PCSK2: variants seen among roughly 807,000 people sequenced by gnomAD.
PCSK2 encodes proprotein convertase subtilisin/kexin type 2, also known as neuroendocrine convertase 2.
PCSK2 carries 14 observed loss-of-function variants against 69.7 expected under a neutral mutation model. The observed-to-expected ratio is 0.20, with a 90% CI of 0.13 to 0.31. The LOEUF (loss-of-function observed/expected upper bound fraction) is 0.31, where lower values mean the gene tolerates loss of function less well. Ranked by LOEUF, PCSK2 falls within the 10% of genes least tolerant of loss-of-function variation. The probability of loss-of-function intolerance (pLI) is 1.00; values close to 1 mark genes in which losing one functional copy is unlikely to be tolerated. For synonymous variants in PCSK2, 307 were observed against 320.7 expected (o/e 0.96, Z 0.46); for missense variants, 544 against 842.5 (o/e 0.65, Z 4.39).
chr20:17,333,095 A>G (rs1990246218), intron 2 of PCSK2, among the ~76,000 whole-genome samples: 1 of 152,054 alleles, frequency 6.6e-6, no homozygotes, highest in Non-Finnish European at 1.5e-5. Flanking sequence ...AACTGTGGCT[A>G]TGTAAGAGAA....
intron 11 of PCSK2, among the ~76,000 whole-genome samples, chr20:17,471,865 C>T (rs2123412254): frequency 6.6e-6 from 1 of 152,348 alleles, no homozygotes; most frequent in African/African-American, 2.4e-5. Flanking sequence ...CAGGAATCAA[C>T]AGCCGTGGCA....
intron 6 of PCSK2, among the ~76,000 whole-genome samples, chr20:17,425,469 T>G (rs566514711): frequency 6.6e-6 from 1 of 152,338 alleles, no homozygotes; most frequent in African/African-American, 2.4e-5. Flanking sequence ...ACATCTCTTT[T>G]TGTGGGATCC....
chr20:17,328,400 G>A (rs918361789), intron 2 of PCSK2, among the ~76,000 whole-genome samples: 1 of 147,750 alleles, frequency 6.8e-6, no homozygotes. Flanking sequence ...TATATATTAT[G>A]CAATTATATA....
chr20:17,234,208 C>T (rs1164990457), intron 1 of PCSK2, among the ~76,000 whole-genome samples: 1 of 152,200 alleles, frequency 6.6e-6, no homozygotes, highest in Non-Finnish European at 1.5e-5. Context: ...TGTGAGAGCA[C>T]ACATATTTTC....
At chr20:17,273,759 A>G (rs1568579632) in intron 2 of PCSK2, among the ~76,000 whole-genome samples, 1 of 152,310 alleles carries the variant, frequency 6.6e-6, no homozygotes, top group East Asian at 1.9e-4. Context: ...CCAATGGTTT[A>G]ATATACAAAT....
intron 8 of PCSK2, among the ~76,000 whole-genome samples, chr20:17,438,166 G>C (rs1174651339): frequency 6.6e-6 from 1 of 152,172 alleles, no homozygotes; most frequent in Non-Finnish European, 1.5e-5. Flanking sequence ...TTTTAAATTT[G>C]CTTCTTAGAT....
chr20:17,347,968 A>AAG (rs1990726554), intron 2 of PCSK2, among the ~76,000 whole-genome samples: 1 of 60,316 alleles, frequency 1.7e-5, no homozygotes, highest in Non-Finnish European at 3.6e-5. Flanking sequence ...AAGAGAAAGA[A>AAG]AGAAAGAAAG....
intron 8 of PCSK2, among the ~76,000 whole-genome samples, chr20:17,441,418 T>C (rs2021785): frequency 0.66 from 101,017 of 152,138 alleles, 33,894 homozygotes; most frequent in African/African-American, 0.75. Flanking sequence ...GGAGTAATTT[T>C]TTCTGAGCTG....
Position 17,350,234 on chromosome 20 carries a change from T to C in PCSK2, c.283-8093T>C, listed in dbSNP as rs376746928. 2.7e-5 allele frequency among the ~76,000 whole-genome samples: 4 copies of C among 150,590 alleles called. No individual in the cohort carries two copies. In the East Asian group the frequency reaches 5.8e-4, roughly 22 times the overall value. ...CTGGAGGTTAGCGCCTTAATATATC[T>C]TTCAGGACAGCACAATCCAACCCAT... On this transcript the variant is annotated intron_variant, in intron 2 of 11. Coordinates refer to ENST00000262545, the MANE Select transcript of PCSK2 (RefSeq NM_002594.5).
chr20:17,480,594 T>C (rs193217187), intron 11 of PCSK2, among the ~76,000 whole-genome samples: 19 of 152,368 alleles, frequency 1.2e-4, no homozygotes, highest in African/African-American at 4.6e-4. Flanking sequence ...TGCCTCAGTC[T>C]GGGTTGTCCC....
chr20:17,326,823 G>A (rs1441574074), intron 2 of PCSK2, among the ~76,000 whole-genome samples: 1 of 152,160 alleles, frequency 6.6e-6, no homozygotes, highest in Non-Finnish European at 1.5e-5. Context: ...CACCTGAGAC[G>A]TGCTCAGAGA....
intron 2 of PCSK2, among the ~76,000 whole-genome samples, chr20:17,308,951 A>AATATCAAAGG (rs774235782): frequency 3.3e-5 from 5 of 152,212 alleles, no homozygotes; most frequent in Non-Finnish European, 5.9e-5. Flanking sequence ...TCACAGAGTA[A>AATATCAAAGG]ATATCAAAGG....
chr20:17,368,312 C>T (rs577242182), intron 4 of PCSK2, among the ~76,000 whole-genome samples: 6 of 152,270 alleles, frequency 3.9e-5, no homozygotes, highest in Admixed American at 6.5e-5. Flanking sequence ...ATTGTTCTCA[C>T]CCCCAGTTGA....
intron 4 of PCSK2, among the ~76,000 whole-genome samples, chr20:17,367,478 T>C (rs142530271): frequency 6.6e-6 from 1 of 152,380 alleles, no homozygotes; most frequent in East Asian, 1.9e-4. Context: ...ACACAAGTGT[T>C]AGTGTCTGAG....
intron 2 of PCSK2, among the ~76,000 whole-genome samples, chr20:17,332,896 C>T (rs1382202201): frequency 1.3e-5 from 2 of 152,154 alleles, no homozygotes; most frequent in African/African-American, 4.8e-5. Context: ...GAGAATCCTA[C>T]CTTATTTTGG....
At chr20:17,236,033 T>C (rs1986325711) in intron 1 of PCSK2, among the ~76,000 whole-genome samples, 1 of 152,136 alleles carries the variant, frequency 6.6e-6, no homozygotes, top group South Asian at 2.1e-4. Flanking sequence ...AAGAAGGTCT[T>C]TTTTAATTAT....
intron 5 of PCSK2, among the ~76,000 whole-genome samples, chr20:17,389,378 G>A (rs997918850): frequency 6.6e-6 from 1 of 152,104 alleles, no homozygotes; most frequent in African/African-American, 2.4e-5. Flanking sequence ...ATGTGACATA[G>A]GGCATATATG....
intron 6 of PCSK2, among the ~76,000 whole-genome samples, chr20:17,428,132 C>T (rs1208159095): frequency 2.6e-5 from 4 of 152,176 alleles, no homozygotes; most frequent in Admixed American, 2.6e-4. Context: ...ATTCCTCTCC[C>T]CCGCTTAAGG....
chr20:17,428,654 G>C (rs2032298619), intron 6 of PCSK2, among the ~76,000 whole-genome samples: 1 of 152,112 alleles, frequency 6.6e-6, no homozygotes, highest in Non-Finnish European at 1.5e-5. Flanking sequence ...TGTCCCAGCA[G>C]ACCTGGGAAT....
Sources: allele counts gnomAD v4.1 joint callset (sites outside exome capture counted in the v4.1 genomes callset), GRCh38; gene constraint gnomAD v4.1.1; transcripts MANE v1.5; gene names NCBI Gene and HGNC (gene_info 2026-07-23, HGNC 2026-07-21).